The following NSF variants were observed in gnomAD, a reference collection of about 807,000 sequenced individuals.
The protein encoded by NSF is vesicle-fusing ATPase.
A neutral mutation model predicts 50.3 loss-of-function variants in NSF; 14 were observed. The ratio of observed to expected loss-of-function variants is 0.28; its 90% CI spans 0.18 to 0.44. NSF has a LOEUF of 0.44. Among genes scored for constraint, NSF ranks in the 20% least tolerant of loss-of-function variants. The probability of loss-of-function intolerance (pLI) is 1.00; values close to 1 mark genes in which losing one functional copy is unlikely to be tolerated. For synonymous variants in NSF, 109 were observed against 175.7 expected (o/e 0.62, Z 3.00); for missense variants, 218 against 504.3 (o/e 0.43, Z 5.44).
chr17:46,726,599 C>T lies in NSF; in HGVS notation c.1812C>T (p.Asp604=), dbSNP rs746338816. 1.2e-6 allele frequency: 2 copies of T among 1,613,908 alleles called. No individual in the cohort carries two copies. The highest frequency in any genetic ancestry group is 1.1e-5 in the South Asian group (1 of 91,074). Residue 604 remains aspartate, a synonymous_variant, in exon 16 of 21, where the codon GAC becomes GAT. Coordinates refer to ENST00000398238, the MANE Select transcript of NSF (RefSeq NM_006178.4). ...KSQLSCVVVD[D]IERLLDYVPI... Reference sequence around the variant, plus strand: ...AGCTCAGTTGTGTGGTTGTGGATGACATTGAGAGATTGCTTGGTGAGTCCT... The same window carrying T: ...AGCTCAGTTGTGTGGTTGTGGATGATATTGAGAGATTGCTTGGTGAGTCCT...
chr17:46,709,151 G>T (rs903351872), intron 13 of NSF, among the ~76,000 whole-genome samples: 3 of 151,992 alleles, frequency 2.0e-5, no homozygotes, highest in African/African-American at 7.3e-5. Context: ...ATAATTATTT[G>T]TTCCAAGTAT....
chr17:46,726,434 G>A, intron 15 of NSF, 115 bp from the exon 16 acceptor site: 1 of 908,930 alleles, frequency 1.1e-6, no homozygotes, highest in South Asian at 1.3e-5. Context: ...GTAGTCCAAA[G>A]TGTTGGTGTT....
chr17:46,746,545 G>A (rs541019535), intron 17 of NSF, among the ~76,000 whole-genome samples: 1 of 152,064 alleles, frequency 6.6e-6, no homozygotes, highest in African/African-American at 2.4e-5. Context: ...CTGTGTATAG[G>A]TTCAATGATT....
chr17:46,749,580 CT>C (rs1395282489), intron 17 of NSF, among the ~76,000 whole-genome samples, 192 bp from the exon 18 acceptor site: 1 of 152,180 alleles, frequency 6.6e-6, no homozygotes, highest in Non-Finnish European at 1.5e-5. Flanking sequence ...CATGTTGCCA[CT>C]TTCTGAATCA....
chr17:46,685,422 A>G (rs155754), intron 9 of NSF, among the ~76,000 whole-genome samples: 122 of 149,972 alleles, frequency 8.1e-4, no homozygotes, highest in African/African-American at 1.7e-3. Flanking sequence ...TGTGTTACAT[A>G]ATAAAGAAAA....
At chr17:46,721,840 A>G (rs1047082693) in intron 15 of NSF, 13 of 1,591,340 alleles carry the variant, frequency 8.2e-6, no homozygotes, top group Non-Finnish European at 1.1e-5. Context: ...TATTTTTTGT[A>G]CGGCTTTTTC....
At chr17:46,730,413 A>G (rs1041434416) in intron 17 of NSF, among the ~76,000 whole-genome samples, 1 of 152,180 alleles carries the variant, frequency 6.6e-6, no homozygotes, top group African/African-American at 2.4e-5. Context: ...GTTAAATACT[A>G]TACACATTGA....
intron 17 of NSF, among the ~76,000 whole-genome samples, chr17:46,744,764 C>G (rs1159761768): frequency 1.3e-5 from 2 of 152,200 alleles, no homozygotes; most frequent in Non-Finnish European, 2.9e-5. Flanking sequence ...TTAGTACTCG[C>G]TCATTCTTCA....
intron 12 of NSF, among the ~76,000 whole-genome samples, chr17:46,696,374 C>T (rs1202182451): frequency 1.4e-5 from 2 of 140,922 alleles, no homozygotes; most frequent in African/African-American, 5.8e-5. Context: ...TAACCCTCCA[C>T]GTGCAGTAAC....
intron 9 of NSF, among the ~76,000 whole-genome samples, chr17:46,679,692 C>CCA (rs549080390): frequency 3.0e-5 from 3 of 101,522 alleles, no homozygotes; most frequent in Middle Eastern, 0.011. Flanking sequence ...AACTCCATGT[C>CCA]AAAAAAAAAA....
chr17:46,633,839 C>G (rs1649557514), intron 4 of NSF, among the ~76,000 whole-genome samples: 1 of 118,946 alleles, frequency 8.4e-6, no homozygotes, highest in African/African-American at 3.8e-5. Flanking sequence ...ATCAAAGTTA[C>G]TCAGCATATA....
intron 13 of NSF, among the ~76,000 whole-genome samples, chr17:46,707,804 G>C (rs1014997927): frequency 6.6e-6 from 1 of 151,984 alleles, no homozygotes; most frequent in Non-Finnish European, 1.5e-5. Context: ...GATTGAGGTG[G>C]GTGGGTCACC....
At position 46,667,594 on chromosome 17, in the gene NSF, G is replaced by T. The variant is rs1329453055; in HGVS notation, c.746-6820G>T. On this transcript the variant is annotated intron_variant, in intron 8 of 20. Coordinates refer to ENST00000398238, the MANE Select transcript of NSF (RefSeq NM_006178.4). ...GTGAAATCTAAATTTGAGAACCACT[G>T]ACTAGAAAAGTGGGACTCTTAGTAA... Among the ~76,000 whole-genome samples, 2 of 139,986 alleles carry T rather than the reference G, an allele frequency of 1.4e-5. 1 individual carries two copies. The highest frequency in any genetic ancestry group is 3.2e-5 in the Non-Finnish European group (2 of 62,442). 91.8% of individuals were successfully genotyped at this position (139,986 alleles called of 152,430 possible). A position where few individuals can be genotyped will look rare whatever the true frequency, so the allele number is the denominator to read the frequency against.
intron 15 of NSF, among the ~76,000 whole-genome samples, chr17:46,723,356 T>G (rs556825710): frequency 6.6e-6 from 1 of 152,336 alleles, no homozygotes; most frequent in East Asian, 1.9e-4. Flanking sequence ...CAGTGATTCC[T>G]TAAAATTACC....
intron 13 of NSF, among the ~76,000 whole-genome samples, chr17:46,709,240 T>C (rs1265880540): frequency 6.6e-6 from 1 of 152,160 alleles, no homozygotes; most frequent in African/African-American, 2.4e-5. Flanking sequence ...AAATAATCAT[T>C]TTCAAAAGTA....
intron 14 of NSF, 117 bp downstream of exon 14, chr17:46,711,236 G>C: frequency 1.0e-6 from 1 of 990,452 alleles, no homozygotes. Flanking sequence ...CCTTGTTCTT[G>C]ATCTGAAAAT....
intron 17 of NSF, among the ~76,000 whole-genome samples, chr17:46,743,706 C>T (rs185723851): frequency 1.3e-5 from 2 of 152,326 alleles, no homozygotes; most frequent in Admixed American, 1.3e-4. Context: ...TTACAACTGG[C>T]CTGTCCTTGG....
chr17:46,738,561 G>A (rs895562883), intron 17 of NSF, among the ~76,000 whole-genome samples: 2 of 152,210 alleles, frequency 1.3e-5, no homozygotes, highest in Non-Finnish European at 2.9e-5. Context: ...GGACTCAGCA[G>A]GAACTGTTGG....
Position 46,722,011 on chromosome 17 carries a change from T to C in NSF, c.1762-4538T>C, listed in dbSNP as rs2058835849. 22 of 1,608,376 alleles carry C rather than the reference T, an allele frequency of 1.4e-5. 1 individual carries two copies. In the Middle Eastern group the frequency reaches 1.3e-3, roughly 94 times the overall value. On this transcript the variant is annotated intron_variant, in intron 15 of 20. Coordinates refer to ENST00000398238, the MANE Select transcript of NSF (RefSeq NM_006178.4). ...TGATAGCTTTCCGACCACCACCAAC[T>C]TCAGTTTCCTTGGCTGCCGTAATAT...
Sources: gnomAD v4.1 joint callset for allele counts (sites outside exome capture counted in the v4.1 genomes callset) on GRCh38, gnomAD v4.1.1 for gene constraint, MANE v1.5 for transcripts, NCBI Gene and HGNC (gene_info 2026-07-23, HGNC 2026-07-21) for gene names.